CADM1: variants seen among roughly 807,000 people sequenced by gnomAD.
CADM1 encodes the protein TSLC-1.
Under a neutral mutation model 53.1 loss-of-function variants are expected in CADM1, and 15 were observed. The observed-to-expected ratio is 0.28, with a 90% confidence interval of 0.19 to 0.44. The LOEUF (loss-of-function observed/expected upper bound fraction) is 0.44. CADM1 is among the 20% of genes least tolerant of loss of function. The pLI is 1.00. For missense variants in CADM1, 434 were observed against 611.3 expected, an observed-to-expected ratio of 0.71 and a Z score of 3.06; for synonymous variants, 281 against 243.0, an observed-to-expected ratio of 1.16 and a Z score of -1.45.
chr11:115,308,141 CTGTG>C (rs199736406), intron 1 of CADM1, among the ~76,000 whole-genome samples: 33,300 of 132,864 alleles, frequency 0.25, 4,298 homozygotes, highest in South Asian at 0.43. Flanking sequence ...AACTCTCTCT[CTGTG>C]TGTGTGTGTG....
chr11:115,174,687 A>G lies in CADM1; in HGVS notation c.*1787T>C. The G allele has an allele frequency of 1.0e-6, 1 of 978,162 alleles. No individual in the cohort carries two copies. Among genetic ancestry groups the G allele is most frequent in the South Asian group, 4.7e-5 (1 of 21,152 alleles). 60.6% of individuals were successfully genotyped at this position (978,162 alleles called of 1,614,324 possible). A position where few individuals can be genotyped will look rare whatever the true frequency, so the allele number is the denominator to read the frequency against. On this transcript the variant is annotated 3_prime_UTR_variant, in exon 12 of 12. Coordinates refer to ENST00000331581, the MANE Select transcript of CADM1 (RefSeq NM_001301043.2). ...TAAGTTTTCCACATAATGTAACAAT[A>G]GTAAAAATGCACCTTGCAAAATCCA...
chr11:115,443,143 G>C (rs1276099660), intron 1 of CADM1, among the ~76,000 whole-genome samples: 1 of 152,046 alleles, frequency 6.6e-6, no homozygotes, highest in African/African-American at 2.4e-5. Flanking sequence ...GGGAGCCAAA[G>C]GCTCCTGTGA....
At chr11:115,320,200 G>A (rs772022393) in intron 1 of CADM1, among the ~76,000 whole-genome samples, 15 of 152,066 alleles carry the variant, frequency 9.9e-5, no homozygotes, top group Non-Finnish European at 1.9e-4. Context: ...GCAGCTGGGA[G>A]TACATGCCAC....
chr11:115,452,141 AGCGGGGTGGGGTG>A (rs565155563), intron 1 of CADM1, among the ~76,000 whole-genome samples: 855 of 33,376 alleles, frequency 0.026, 10 homozygotes, highest in African/African-American at 0.071. Context: ...TGGCGGGGCC[AGCGGGGTGGGGTG>A]GTGGGGTGGG....
intron 1 of CADM1, among the ~76,000 whole-genome samples, chr11:115,345,411 A>C (rs191664020): frequency 9.3e-4 from 141 of 152,320 alleles, no homozygotes; most frequent in African/African-American, 3.1e-3. Context: ...AGGTTAAGAG[A>C]ATCTGACAGA....
At chr11:115,387,491 G>A (rs930281556) in intron 1 of CADM1, among the ~76,000 whole-genome samples, 5 of 152,048 alleles carry the variant, frequency 3.3e-5, no homozygotes, top group Non-Finnish European at 7.4e-5. Context: ...TATAAGTTAC[G>A]AACTCAAAAT....
At chr11:115,370,971 C>T (rs956793432) in intron 1 of CADM1, among the ~76,000 whole-genome samples, 2 of 152,066 alleles carry the variant, frequency 1.3e-5, no homozygotes, top group African/African-American at 4.8e-5. Context: ...CCTGCCTGAA[C>T]AATAACAATT....
intron 1 of CADM1, among the ~76,000 whole-genome samples, chr11:115,295,038 TCAA>T (rs1208987804): frequency 7.2e-5 from 11 of 151,960 alleles, no homozygotes; most frequent in African/African-American, 1.7e-4. Flanking sequence ...AAACTCAGTC[TCAA>T]CAACAACAAC....
intron 1 of CADM1, among the ~76,000 whole-genome samples, chr11:115,289,882 A>C (rs964703893): frequency 6.6e-6 from 1 of 152,088 alleles, no homozygotes; most frequent in East Asian, 1.9e-4. Context: ...GGCGTGAACC[A>C]CCGCGCCCGG....
intron 7 of CADM1, among the ~76,000 whole-genome samples, chr11:115,212,769 A>C (rs751424234): frequency 2.7e-4 from 41 of 152,206 alleles, no homozygotes; most frequent in Non-Finnish European, 5.6e-4. Context: ...AAAACTGTAC[A>C]ACCTTTCTGA....
intron 1 of CADM1, among the ~76,000 whole-genome samples, chr11:115,334,464 C>T (rs1044984471): frequency 1.4e-5 from 2 of 145,716 alleles, no homozygotes; most frequent in African/African-American, 5.2e-5. Flanking sequence ...GTACAGTACT[C>T]ATCAATTGAT....
intron 8 of CADM1, among the ~76,000 whole-genome samples, chr11:115,202,851 G>GTT (rs201336245): frequency 8.7e-4 from 127 of 145,354 alleles, no homozygotes; most frequent in East Asian, 3.0e-3. Flanking sequence ...TATATGGTGG[G>GTT]TTTTTTTTTT....
intron 4 of CADM1, among the ~76,000 whole-genome samples, chr11:115,229,781 T>C (rs1206454238): frequency 6.6e-6 from 1 of 152,206 alleles, no homozygotes; most frequent in Non-Finnish European, 1.5e-5. Context: ...ACTCCCATCA[T>C]CAACAATTAA....
chr11:115,228,048 C>T (rs12274772), intron 5 of CADM1, among the ~76,000 whole-genome samples: 72,708 of 152,030 alleles, frequency 0.48, 17,933 homozygotes, highest in Admixed American at 0.53. Context: ...CAGAAAAACA[C>T]ACAGACGAGA....
chr11:115,498,110 A>T (rs1020554233), intron 1 of CADM1, among the ~76,000 whole-genome samples: 1 of 152,198 alleles, frequency 6.6e-6, no homozygotes, highest in African/African-American at 2.4e-5. Context: ...TCACATTTTA[A>T]ATCAATGGAG....
chr11:115,380,659 G>A (rs1345684387), intron 1 of CADM1, among the ~76,000 whole-genome samples: 1 of 152,076 alleles, frequency 6.6e-6, no homozygotes, highest in Admixed American at 6.6e-5. Context: ...TATGGCTGTC[G>A]AGGCCCTCTT....
chr11:115,199,813 C>G (rs899181647), intron 8 of CADM1, among the ~76,000 whole-genome samples: 1 of 152,220 alleles, frequency 6.6e-6, no homozygotes, highest in African/African-American at 2.4e-5. Context: ...AAACTGCAAG[C>G]AAGCAGTTCA....
chr11:115,415,226 C>T (rs1224067306), intron 1 of CADM1, among the ~76,000 whole-genome samples: 2 of 152,136 alleles, frequency 1.3e-5, no homozygotes, highest in East Asian at 3.9e-4. Flanking sequence ...CACATGAGAG[C>T]AAACGAAGTA....
intron 1 of CADM1, among the ~76,000 whole-genome samples, chr11:115,415,645 TG>T (rs1947575753): frequency 6.6e-6 from 1 of 151,842 alleles, no homozygotes. Context: ...GAGACCAGCC[TG>T]GCCAACATGC....
Sources: allele counts gnomAD v4.1 joint callset (sites outside exome capture counted in the v4.1 genomes callset), GRCh38; gene constraint gnomAD v4.1.1; transcripts MANE v1.5; gene names NCBI Gene and HGNC (gene_info 2026-07-23, HGNC 2026-07-21).